The following AAK1 variants were observed in gnomAD, a reference collection of about 807,000 sequenced individuals.
AAK1 encodes the protein AP2 associated kinase 1.
AAK1 carries 37 observed loss-of-function variants against 116.0 expected under a neutral mutation model. The observed-to-expected ratio is 0.32, with a 90% confidence interval of 0.25 to 0.42. AAK1 has a LOEUF of 0.42. AAK1 is among the 10% of genes least tolerant of loss of function. The pLI, the probability that AAK1 is intolerant of heterozygous loss-of-function variation, is 1.00. For synonymous variants in AAK1, 458 were observed against 439.9 expected (o/e 1.04, Z -0.51); for missense variants, 919 against 1,170.6 (o/e 0.79, Z 3.14).
At chr2:69,615,404 C>T (rs1385595937) in intron 2 of AAK1, among the ~76,000 whole-genome samples, 1 of 152,142 alleles carries the variant, frequency 6.6e-6, no homozygotes, top group Non-Finnish European at 1.5e-5. Flanking sequence ...AATGGAAATA[C>T]CATTCCCATC....
At chr2:69,546,430 C>T (rs979801022) in intron 3 of AAK1, among the ~76,000 whole-genome samples, 4 of 152,182 alleles carry the variant, frequency 2.6e-5, no homozygotes, top group Non-Finnish European at 5.9e-5. Flanking sequence ...ATCAACCCAT[C>T]TAGAACTCAT....
At chr2:69,544,785 T>C (rs1381977535) in intron 3 of AAK1, among the ~76,000 whole-genome samples, 3 of 152,034 alleles carry the variant, frequency 2.0e-5, no homozygotes, top group Admixed American at 1.3e-4. Flanking sequence ...AATTCTAGAG[T>C]CAAATGCACA....
chr2:69,493,229 G>C (rs890243260), intron 17 of AAK1, among the ~76,000 whole-genome samples: 1 of 151,252 alleles, frequency 6.6e-6, no homozygotes, highest in African/African-American at 2.4e-5. Context: ...GCTAGAGGCT[G>C]AATGTTAAAA....
rs1397038937 is a variant in AAK1 at position 69,470,547 on chromosome 2, G to C, written c.*5322C>G. On this transcript the variant is annotated 3_prime_UTR_variant, in exon 22 of 22. Transcript: ENST00000409085. The stretch of plus-strand genomic sequence containing the variant: ...TCAGGCCAATGAGGCAATTAAATGA[G>C]TGAGTTTTCTCACTGGGGATAAAAT... 1 of 985,314 alleles carries C rather than the reference G, an allele frequency of 1.0e-6. No individual in the cohort carries two copies. Among genetic ancestry groups the C allele is most frequent in the African/African-American group, 1.7e-5 (1 of 57,244 alleles). The allele number at this position is 985,314 out of a possible 1,614,324, so 61.0% of individuals were successfully genotyped here.
At position 69,463,928 on chromosome 2, in the gene AAK1, G is replaced by C. The variant is rs1322371473; in HGVS notation, c.*11941C>G. 3 of 152,546 alleles carry C rather than the reference G, an allele frequency of 2.0e-5. No individual in the cohort carries two copies. The highest frequency in any genetic ancestry group is 7.2e-5 in the African/African-American group (3 of 41,388). The allele number at this position is 152,546 out of a possible 1,614,324, so 9.4% of individuals were successfully genotyped here. A position where few individuals can be genotyped will look rare whatever the true frequency, so the allele number is the denominator to read the frequency against. On this transcript the variant is annotated 3_prime_UTR_variant, in exon 22 of 22. Transcript: ENST00000409085. ...AGCCTTCCAAAATGCTGGTATTACAGGTGTGTGGCACTGCACCTGGCCAGC... is the reference window on the plus strand; with the variant it reads ...AGCCTTCCAAAATGCTGGTATTACACGTGTGTGGCACTGCACCTGGCCAGC...
Position 69,471,933 on chromosome 2 carries a change from G to C in AAK1, c.*3936C>G, listed in dbSNP as rs898154077. 6 of 985,230 alleles carry C rather than the reference G, an allele frequency of 6.1e-6. No individual in the cohort carries two copies. The African/African-American group carries it at 1.0e-4, about 17-fold the overall frequency. 61.0% of individuals were successfully genotyped at this position (985,230 alleles called of 1,614,324 possible). ...ACAAATATTACATCTTGAGAAAGTA[G>C]TTCGTTTCTTGGGTTTGTTTTTCCA... is the stretch of plus-strand genomic sequence containing the variant. On this transcript the variant is annotated 3_prime_UTR_variant, in exon 22 of 22. Coordinates refer to ENST00000409085, the MANE Select transcript of AAK1 (RefSeq NM_014911.5).
Position 69,471,437 on chromosome 2 carries a change from T to C in AAK1, c.*4432A>G, listed in dbSNP as rs1674672547. 1.5e-5 allele frequency: 15 copies of C among 985,318 alleles called. No homozygotes were observed. The highest frequency in any genetic ancestry group is 1.8e-5 in the Non-Finnish European group (15 of 829,934). 61.0% of individuals were successfully genotyped at this position (985,318 alleles called of 1,614,324 possible). A position where few individuals can be genotyped will look rare whatever the true frequency, so the allele number is the denominator to read the frequency against. ...AAAGGCTGACTTTGTGTTGATAAAA[T>C]TATAGCCTTTAGAGAGGAATAAAGA... On this transcript the variant is annotated 3_prime_UTR_variant, in exon 22 of 22. Transcript: ENST00000409085.
rs192073033 is a variant in AAK1 at position 69,552,263 on chromosome 2, G to T, written c.282+4597C>A. Among the ~76,000 whole-genome samples the T allele has an allele frequency of 6.8e-4, 103 of 152,276 alleles. 1 individual carries two copies. The Middle Eastern group carries it at 0.017, about 25-fold the overall frequency. On this transcript the variant is annotated intron_variant, in intron 3 of 21. Coordinates refer to ENST00000409085, the MANE Select transcript of AAK1 (RefSeq NM_014911.5). ...ACATAGATTAATGGAAGGGAATAGA[G>T]AATAGAGAAAGGCCTGCAAATGGAC...
chr2:69,489,450 C>CAAAAAAAAAA (rs70954346), intron 17 of AAK1, among the ~76,000 whole-genome samples: 1 of 119,368 alleles, frequency 8.4e-6, no homozygotes. Context: ...GACTCCGTCT[C>CAAAAAAAAAA]AAAAAAAAAA....
At chr2:69,537,456 G>A (rs1034219426) in intron 5 of AAK1, among the ~76,000 whole-genome samples, 8 of 152,192 alleles carry the variant, frequency 5.3e-5, no homozygotes, top group African/African-American at 1.9e-4. Context: ...GCAGAGTGGC[G>A]CTGGCTCCAC....
chr2:69,584,386 G>A (rs779011897), intron 2 of AAK1, among the ~76,000 whole-genome samples: 3 of 152,174 alleles, frequency 2.0e-5, no homozygotes, highest in Non-Finnish European at 2.9e-5. Flanking sequence ...TCGCTCTTGG[G>A]AACTTGGTAA....
At chr2:69,536,395 G>T (rs543140600) in intron 5 of AAK1, among the ~76,000 whole-genome samples, 10 of 152,188 alleles carry the variant, frequency 6.6e-5, no homozygotes, top group African/African-American at 2.4e-4. Flanking sequence ...ACAACAGTCT[G>T]GGTGTGAGAT....
At chr2:69,619,078 A>G (rs957897219) in intron 2 of AAK1, among the ~76,000 whole-genome samples, 3 of 151,782 alleles carry the variant, frequency 2.0e-5, no homozygotes, top group Non-Finnish European at 4.4e-5. Context: ...CACCTCCCCA[A>G]CCTTGAATCA....
chr2:69,465,592 G>A lies in AAK1; in HGVS notation c.*10277C>T. On this transcript the variant is annotated 3_prime_UTR_variant, in exon 22 of 22. Coordinates refer to ENST00000409085, the MANE Select transcript of AAK1 (RefSeq NM_014911.5). Reference sequence around the variant, plus strand: ...TAGGCAGCAATGGGCTGGGCTTCTGGACTTGGCTCGTCTTCTGGGCTATAG... The same window carrying A: ...TAGGCAGCAATGGGCTGGGCTTCTGAACTTGGCTCGTCTTCTGGGCTATAG... 1 of 1,291,010 alleles carries A rather than the reference G, an allele frequency of 7.7e-7. No homozygotes were observed. The highest frequency in any genetic ancestry group is 5.5e-5 in the East Asian group (1 of 18,028). 80.0% of individuals were successfully genotyped at this position (1,291,010 alleles called of 1,614,324 possible). A position where few individuals can be genotyped will look rare whatever the true frequency, so the allele number is the denominator to read the frequency against.
intron 3 of AAK1, among the ~76,000 whole-genome samples, chr2:69,548,148 G>A (rs1671005441): frequency 6.6e-6 from 1 of 152,182 alleles, no homozygotes; most frequent in Non-Finnish European, 1.5e-5. Context: ...AGAAAAAAGT[G>A]TTCTAAAATT....
chr2:69,615,225 C>T (rs1193255230), intron 2 of AAK1, among the ~76,000 whole-genome samples: 1 of 152,192 alleles, frequency 6.6e-6, no homozygotes, highest in East Asian at 1.9e-4. Context: ...TCGACCTCAG[C>T]TTAGCCACTT....
chr2:69,477,078 A>G (rs916393233), intron 20 of AAK1, 88 bp from the exon 21 acceptor site: 67 of 816,412 alleles, frequency 8.2e-5, no homozygotes, highest in Non-Finnish European at 1.2e-4. Flanking sequence ...AAAGATCTCA[A>G]CTGTACAGCC....
intron 3 of AAK1, 28 bp downstream of exon 3, chr2:69,556,832 C>T (rs2105085031): frequency 6.4e-7 from 1 of 1,554,076 alleles, no homozygotes; most frequent in Non-Finnish European, 8.9e-7. Flanking sequence ...CCATTTTAAA[C>T]AGTCCCAAGT....
chr2:69,477,767 G>A (rs766767690), intron 20 of AAK1, among the ~76,000 whole-genome samples: 4 of 152,112 alleles, frequency 2.6e-5, no homozygotes, highest in African/African-American at 9.7e-5. Flanking sequence ...ATGTCATCAC[G>A]GGTAAAAACA....
Sources: gnomAD v4.1 joint callset for allele counts (sites outside exome capture counted in the v4.1 genomes callset) on GRCh38, gnomAD v4.1.1 for gene constraint, MANE v1.5 for transcripts, NCBI Gene and HGNC (gene_info 2026-07-23, HGNC 2026-07-21) for gene names.